Variants in TNFRSF10B observed in about 807,000 individuals in gnomAD.
TNFRSF10B encodes TNF receptor superfamily member 10b.
Under a neutral mutation model 41.4 loss-of-function variants are expected in TNFRSF10B, and 35 were observed. The ratio of observed to expected loss-of-function variants is 0.85; its 90% confidence interval spans 0.65 to 1.12. The LOEUF (loss-of-function observed/expected upper bound fraction) is 1.12. Ranked by LOEUF, TNFRSF10B falls within the 50% of genes most tolerant of loss-of-function variation. The pLI is 0.00. For missense variants in TNFRSF10B, 584 were observed against 552.7 expected (o/e 1.06, Z -0.57); for synonymous variants, 230 against 215.5 (o/e 1.07, Z -0.59).
At chr8:23,040,555 ATAAAC>A (rs533685056) in intron 2 of TNFRSF10B, among the ~76,000 whole-genome samples, 5 of 150,148 alleles carry the variant, frequency 3.3e-5, no homozygotes, top group Admixed American at 1.3e-4. Context: ...ATGCCAAGAA[ATAAAC>A]TAAAGTTTTT....
In TNFRSF10B at chr8:23,021,758, T is replaced by G. The variant is rs895163165; in HGVS notation, c.*913A>C. ...GTCCAGTTCAAAAGACTGGCCCCTG[T>G]AGAAGTTGCCAATCATTGAAGCCAA... On this transcript the variant is annotated 3_prime_UTR_variant, in exon 9 of 9. Coordinates refer to ENST00000276431, the MANE Select transcript of TNFRSF10B (RefSeq NM_003842.5). The G allele has an allele frequency of 6.6e-6, 3 of 454,014 alleles. No homozygotes were observed. The highest frequency in any genetic ancestry group is 1.3e-5 in the Non-Finnish European group (3 of 226,802). The allele number at this position is 454,014 out of a possible 1,614,324, so 28.1% of individuals were successfully genotyped here. A position where few individuals can be genotyped will look rare whatever the true frequency, so the allele number is the denominator to read the frequency against.
chr8:23,040,276 T>TAA (rs1409265773), intron 2 of TNFRSF10B, among the ~76,000 whole-genome samples: 1 of 32,926 alleles, frequency 3.0e-5, no homozygotes, highest in African/African-American at 5.5e-5. Flanking sequence ...AATATATATA[T>TAA]AATATATATT....
At position 23,021,306 on chromosome 8, in the gene TNFRSF10B, C is replaced by A; in HGVS notation, c.*1365G>T. The A allele has an allele frequency of 2.2e-6, 1 of 454,100 alleles. No homozygotes were observed. Among genetic ancestry groups the A allele is most frequent in the South Asian group, 1.6e-5 (1 of 64,474 alleles). The allele number at this position is 454,100 out of a possible 1,614,324, so 28.1% of individuals were successfully genotyped here. On this transcript the variant is annotated 3_prime_UTR_variant, in exon 9 of 9. Transcript: ENST00000276431. The stretch of plus-strand genomic sequence containing the variant: ...TGAGATGAGTCAGATGCTTACAGAG[C>A]GGCCAAGGTCCTCAAGTAGGCAATC...
intron 2 of TNFRSF10B, among the ~76,000 whole-genome samples, chr8:23,041,559 G>C (rs1369976921): frequency 1.4e-5 from 2 of 141,556 alleles, no homozygotes; most frequent in African/African-American, 2.6e-5. Context: ...ATCAATCAAT[G>C]TATAATTTCC....
chr8:23,067,039 C>T (rs922237473), intron 1 of TNFRSF10B, among the ~76,000 whole-genome samples: 2 of 150,598 alleles, frequency 1.3e-5, no homozygotes, highest in Admixed American at 6.6e-5. Context: ...AGTGCAGTGG[C>T]GCCATCTCTG....
rs140194100 is a variant in TNFRSF10B, at chr8:23,059,301, G to A, written c.144+9450C>T. 3.9e-5 allele frequency among the ~76,000 whole-genome samples: 6 copies of A among 152,326 alleles called. No individual in the cohort carries two copies. The East Asian group carries it at 5.8e-4, about 15-fold the overall frequency. On this transcript the variant is annotated intron_variant, in intron 1 of 8. Transcript: ENST00000276431. ...GAATAATACTGCTATAAACGTGGGT[G>A]TACAAATATCTGTTTGAAACCATGC...
chr8:23,029,541 G>A (rs1811815789), intron 4 of TNFRSF10B, 69 bp downstream of exon 4: 13 of 1,460,512 alleles, frequency 8.9e-6, no homozygotes, highest in Non-Finnish European at 1.2e-5. Context: ...GGGAGAGACA[G>A]GGGTACAAGG....
At chr8:23,033,585 C>CAAAAAAAAAAAAAA (rs59282000) in intron 2 of TNFRSF10B, among the ~76,000 whole-genome samples, 1 of 62,276 alleles carries the variant, frequency 1.6e-5, no homozygotes, top group African/African-American at 7.6e-5. Context: ...GACTCCGTCT[C>CAAAAAAAAAAAAAA]AAAAAAAAAA....
intron 4 of TNFRSF10B, among the ~76,000 whole-genome samples, chr8:23,029,360 T>C (rs1191927757): frequency 2.0e-5 from 3 of 152,184 alleles, no homozygotes; most frequent in Non-Finnish European, 4.4e-5. Context: ...AAAATTATCA[T>C]GGGCCCCAAG....
rs117494441 is a variant in TNFRSF10B at position 23,020,936 on chromosome 8, G to A, written c.*1735C>T. ...GGGATGCCAGATGGAAGTGGGAGAG[G>A]ATGGAAGTGCAAAGACCAGAAAGGT... is the stretch of plus-strand genomic sequence containing the variant. On this transcript the variant is annotated 3_prime_UTR_variant, in exon 9 of 9. Transcript: ENST00000276431. 1 of 454,076 alleles carries A rather than the reference G, an allele frequency of 2.2e-6. No individual in the cohort carries two copies. Among genetic ancestry groups the A allele is most frequent in the Admixed American group, 2.3e-5 (1 of 42,576 alleles). The allele number at this position is 454,076 out of a possible 1,614,324, so 28.1% of individuals were successfully genotyped here.
intron 1 of TNFRSF10B, among the ~76,000 whole-genome samples, chr8:23,052,691 TAAG>T (rs1812561177): frequency 6.6e-6 from 1 of 152,194 alleles, no homozygotes; most frequent in African/African-American, 2.4e-5. Context: ...GTTATAAAAA[TAAG>T]GAGAATTTTA....
chr8:23,053,941 T>C (rs1812592169), intron 1 of TNFRSF10B, among the ~76,000 whole-genome samples: 1 of 152,236 alleles, frequency 6.6e-6, no homozygotes, highest in Admixed American at 6.5e-5. Flanking sequence ...GTGTATGTTA[T>C]CATTAATAAT....
chr8:23,047,812 TA>T (rs1241710970), intron 1 of TNFRSF10B, among the ~76,000 whole-genome samples: 1 of 152,182 alleles, frequency 6.6e-6, no homozygotes, highest in East Asian at 1.9e-4. Context: ...CTCAAAAAAC[TA>T]AAAATAGAAT....
intron 3 of TNFRSF10B, among the ~76,000 whole-genome samples, chr8:23,030,288 T>C (rs1363621829): frequency 6.6e-6 from 1 of 152,212 alleles, no homozygotes; most frequent in African/African-American, 2.4e-5. Context: ...TAGCATACAT[T>C]ATACAAATAA....
chr8:23,068,531 C>A, intron 1 of TNFRSF10B: 2 of 657,098 alleles, frequency 3.0e-6, no homozygotes, highest in Non-Finnish European at 5.1e-6. Context: ...GAATTTACAC[C>A]AAGTGGAGCG....
chr8:23,035,745 C>G (rs1173227087), intron 2 of TNFRSF10B, among the ~76,000 whole-genome samples: 1 of 152,078 alleles, frequency 6.6e-6, no homozygotes, highest in Non-Finnish European at 1.5e-5. Flanking sequence ...ATCTGCCACC[C>G]CCACCTCCCT....
At chr8:23,024,321 C>T in intron 7 of TNFRSF10B, 61 bp from the exon 8 acceptor site, 2 of 1,593,652 alleles carry the variant, frequency 1.3e-6, no homozygotes, top group Admixed American at 1.7e-5. Flanking sequence ...CCAGTACTGA[C>T]CCCGACCACC....
chr8:23,020,224 C>G lies in TNFRSF10B; in HGVS notation c.*2447G>C, dbSNP rs1387376696. ...ATGTGCTTCCTTGTTTGTATTATAA[C>G]ACATTTCAAATAGGGACCTTTGACA... On this transcript the variant is annotated 3_prime_UTR_variant, in exon 9 of 9. Transcript: ENST00000276431. The G allele has an allele frequency of 2.2e-6, 1 of 452,906 alleles. No individual in the cohort carries two copies. Among genetic ancestry groups the G allele is most frequent in the Non-Finnish European group, 4.4e-6 (1 of 225,848 alleles). The allele number at this position is 452,906 out of a possible 1,614,324, so 28.1% of individuals were successfully genotyped here.
chr8:23,068,545 G>T, intron 1 of TNFRSF10B: 1 of 703,184 alleles, frequency 1.4e-6, no homozygotes. Context: ...TGGAGCGCGC[G>T]CTCTGTTCCC....
Sources: gnomAD v4.1 joint callset for allele counts (sites outside exome capture counted in the v4.1 genomes callset) on GRCh38, gnomAD v4.1.1 for gene constraint, MANE v1.5 for transcripts, NCBI Gene and HGNC (gene_info 2026-07-23, HGNC 2026-07-21) for gene names.